DEPDC5: variants seen among roughly 807,000 people sequenced by gnomAD.
DEPDC5 encodes DEP domain containing 5, GATOR1 subcomplex subunit.
DEPDC5 carries 73 observed loss-of-function variants against 217.3 expected under a neutral mutation model. The observed-to-expected ratio is 0.34, with a 90% CI of 0.28 to 0.41. DEPDC5 has a LOEUF of 0.41. Ranked by LOEUF, DEPDC5 falls within the 10% of genes least tolerant of loss-of-function variation. The pLI is 1.00. For missense variants in DEPDC5, 1,675 were observed against 2,070.1 expected (o/e 0.81, Z 3.70); for synonymous variants, 733 against 756.7 (o/e 0.97, Z 0.51).
chr22:31,860,875 G>C (rs1028778329), intron 32 of DEPDC5, among the ~76,000 whole-genome samples: 7 of 152,138 alleles, frequency 4.6e-5, no homozygotes, highest in Non-Finnish European at 8.8e-5. Flanking sequence ...GAGGGCGACT[G>C]GTCACCCAGC....
At chr22:31,838,215 AC>A (rs1207218658) in intron 26 of DEPDC5, among the ~76,000 whole-genome samples, 1 of 151,782 alleles carries the variant, frequency 6.6e-6, no homozygotes, top group African/African-American at 2.4e-5. Context: ...GCCTCTTTTC[AC>A]CTCTTTGAAC....
intron 12 of DEPDC5, among the ~76,000 whole-genome samples, chr22:31,796,177 T>G (rs2148555522): frequency 6.6e-6 from 1 of 150,748 alleles, no homozygotes; most frequent in Middle Eastern, 3.4e-3. Flanking sequence ...CTTGGCTCAC[T>G]GCAAGCTCTG....
At chr22:31,809,521 T>C in intron 18 of DEPDC5, 90 bp from the exon 19 acceptor site, 3 of 1,422,058 alleles carry the variant, frequency 2.1e-6, no homozygotes, top group Admixed American at 3.4e-5. Flanking sequence ...CAGGCTGTCT[T>C]CCCTGGGAGC....
intron 14 of DEPDC5, 61 bp from the exon 15 acceptor site, chr22:31,802,643 C>T (rs2087001745): frequency 6.9e-7 from 1 of 1,446,558 alleles, no homozygotes; most frequent in South Asian, 1.6e-5. Context: ...AGATGCTTGT[C>T]TGTGACAGGG....
At chr22:31,788,264 ATTTTTTTTTTTTTT>A (rs75378797) in intron 10 of DEPDC5, among the ~76,000 whole-genome samples, 2 of 90,702 alleles carry the variant, frequency 2.2e-5, no homozygotes, top group Non-Finnish European at 4.1e-5. Context: ...GGATGACTGT[ATTTTTTTTTTTTTT>A]TTTTTTTTTT....
intron 18 of DEPDC5, among the ~76,000 whole-genome samples, chr22:31,807,294 T>C (rs1453724475): frequency 1.3e-5 from 2 of 152,188 alleles, no homozygotes; most frequent in East Asian, 3.8e-4. Context: ...CAAATACATC[T>C]GGGTTTAGTT....
intron 10 of DEPDC5, among the ~76,000 whole-genome samples, chr22:31,787,300 G>A (rs1182691533): frequency 6.6e-6 from 1 of 151,972 alleles, no homozygotes; most frequent in African/African-American, 2.4e-5. Context: ...GCCCAGGCTG[G>A]TCTCAAACCC....
At chr22:31,903,963 G>A (rs1250114055) in intron 41 of DEPDC5, among the ~76,000 whole-genome samples, 2 of 152,056 alleles carry the variant, frequency 1.3e-5, no homozygotes, top group African/African-American at 2.4e-5. Context: ...CTTTTGCATA[G>A]GGTGGAGCTT....
At chr22:31,897,774 G>A in intron 40 of DEPDC5, 121 bp downstream of exon 40, 1 of 1,188,672 alleles carries the variant, frequency 8.4e-7, no homozygotes. Flanking sequence ...TCAACAAGGG[G>A]CCAAAAGGAT....
chr22:31,815,646 ACTTCTG>A, intron 21 of DEPDC5: 2 of 570,418 alleles, frequency 3.5e-6, no homozygotes, highest in East Asian at 6.1e-5. Context: ...TGATCCTCCC[ACTTCTG>A]CCTCCCAAGT....
chr22:31,823,532 C>CAAAAA (rs375009177), intron 24 of DEPDC5, among the ~76,000 whole-genome samples: 1 of 52,192 alleles, frequency 1.9e-5, no homozygotes, highest in African/African-American at 7.3e-5. Context: ...GACTCCATCT[C>CAAAAA]AAAAAAAAAA....
chr22:31,781,578 A>G (rs1257127926), intron 8 of DEPDC5, among the ~76,000 whole-genome samples: 2 of 152,050 alleles, frequency 1.3e-5, no homozygotes, highest in Non-Finnish European at 2.9e-5. Context: ...GACTACAGGC[A>G]TTTGCCACCA....
chr22:31,754,753 C>A, intron 1 of DEPDC5, 109 bp from the exon 2 acceptor site: 1 of 680,484 alleles, frequency 1.5e-6, no homozygotes, highest in Non-Finnish European at 2.5e-6. Context: ...AGTCACTTGG[C>A]ACCACTTCAC....
chr22:31,830,260 A>C (rs2090482859), intron 24 of DEPDC5, among the ~76,000 whole-genome samples: 1 of 152,274 alleles, frequency 6.6e-6, no homozygotes, highest in African/African-American at 2.4e-5. Flanking sequence ...CACATTCACA[A>C]TTCTGAACAG....
intron 33 of DEPDC5, among the ~76,000 whole-genome samples, chr22:31,867,806 A>C (rs1023201808): frequency 6.6e-6 from 1 of 152,174 alleles, no homozygotes; most frequent in African/African-American, 2.4e-5. Context: ...GCTCCCACCA[A>C]AATAGGACTG....
At chr22:31,888,335 C>T (rs144157705) in intron 38 of DEPDC5, among the ~76,000 whole-genome samples, 14 of 147,906 alleles carry the variant, frequency 9.5e-5, no homozygotes, top group African/African-American at 3.0e-4. Flanking sequence ...CTGCAACCTC[C>T]GCCTCCCGGT....
At chr22:31,786,701 C>T (rs1048382933) in intron 10 of DEPDC5, among the ~76,000 whole-genome samples, 1 of 151,914 alleles carries the variant, frequency 6.6e-6, no homozygotes, top group Non-Finnish European at 1.5e-5. Context: ...AATTCCTGTG[C>T]TCAAGGGATC....
At chr22:31,789,701 T>G (rs901501574) in intron 10 of DEPDC5, among the ~76,000 whole-genome samples, 1 of 152,186 alleles carries the variant, frequency 6.6e-6, no homozygotes, top group African/African-American at 2.4e-5. Flanking sequence ...AGTCACATTA[T>G]GTAGTGTAAA....
chr22:31,810,427 T>C (rs1387154513), intron 19 of DEPDC5, 94 bp from the exon 20 acceptor site: 1 of 1,572,658 alleles, frequency 6.4e-7, no homozygotes, highest in African/African-American at 1.4e-5. Flanking sequence ...TTGAAATGTA[T>C]TTGGATGACA....
Sources: allele counts gnomAD v4.1 joint callset (sites outside exome capture counted in the v4.1 genomes callset), GRCh38; gene constraint gnomAD v4.1.1; transcripts MANE v1.5; gene names NCBI Gene and HGNC (gene_info 2026-07-23, HGNC 2026-07-21).